The following GALNT8 variants were observed in gnomAD, a reference collection of about 807,000 sequenced individuals.
GALNT8 encodes the protein polypeptide N-acetylgalactosaminyltransferase 8.
A neutral mutation model predicts 62.7 loss-of-function variants in GALNT8; 66 were observed. The ratio of observed to expected loss-of-function variants is 1.05; its 90% CI spans 0.86 to 1.29. GALNT8 has a LOEUF of 1.29. Ranked by LOEUF, GALNT8 falls within the 50% of genes most tolerant of loss-of-function variation. The pLI is 0.00. For missense variants in GALNT8, 771 were observed against 791.8 expected, an observed-to-expected ratio of 0.97 and a Z score of 0.32; for synonymous variants, 288 against 294.3, an observed-to-expected ratio of 0.98 and a Z score of 0.22.
chr12:4,726,951 C>A lies in GALNT8; in HGVS notation c.509+122C>A. ...TGTTGGGGAAGGGGTTCAGGCTGAG[C>A]AAAGTTGTTGTTTTCAATTTATTTT... On this transcript the variant is annotated intron_variant, in intron 2 of 10. Transcript: ENST00000252318. The surrounding 1 kb of genome is among the most constrained non-coding windows in gnomAD (Gnocchi z 4.1). 2 of 784,138 alleles carry A rather than the reference C, an allele frequency of 2.6e-6. No homozygotes were observed. Among genetic ancestry groups the A allele is most frequent in the South Asian group, 1.8e-5 (1 of 56,798 alleles). The allele number at this position is 784,138 out of a possible 1,614,324, so 48.6% of individuals were successfully genotyped here. A position where few individuals can be genotyped will look rare whatever the true frequency, so the allele number is the denominator to read the frequency against.
At chr12:4,738,372 T>C (rs916533966) in intron 2 of GALNT8, among the ~76,000 whole-genome samples, 2 of 152,226 alleles carry the variant, frequency 1.3e-5, no homozygotes, top group African/African-American at 4.8e-5. Flanking sequence ...AAGAGTTTCT[T>C]AGGTATGACA....
At chr12:4,728,910 C>A (rs1489398210) in intron 2 of GALNT8, among the ~76,000 whole-genome samples, 1 of 152,138 alleles carries the variant, frequency 6.6e-6, no homozygotes, top group Non-Finnish European at 1.5e-5. Context: ...AGGATTTTGA[C>A]AGGGATTTCA....
At chr12:4,724,249 C>A (rs1409615334) in intron 1 of GALNT8, among the ~76,000 whole-genome samples, 1 of 151,662 alleles carries the variant, frequency 6.6e-6, no homozygotes, top group Admixed American at 6.6e-5. Context: ...ATAATTATAT[C>A]CCTATTGAGG....
In GALNT8 at chr12:4,720,866, G is replaced by T. The variant is rs937159001; in HGVS notation, c.189G>T (p.Leu63Phe). The T allele has an allele frequency of 6.2e-7, 1 of 1,602,354 alleles. No homozygotes were observed. The highest frequency in any genetic ancestry group is 2.2e-5 in the East Asian group (1 of 44,828). The change falls in exon 1 of 11, where the codon TTG (leucine) becomes TTT (phenylalanine). Residue 63 changes from leucine (L) to phenylalanine (F), a missense_variant. Transcript: ENST00000252318. ...YGAVIKRLSHLEVELQDLKES... is the reference protein window; with the variant it reads ...YGAVIKRLSHFEVELQDLKES... ...CAGTGATAAAGAGACTCTCCCACTT[G>T]GAGGTGGAATTGCAGGATCTGAGTA...
intron 2 of GALNT8, among the ~76,000 whole-genome samples, chr12:4,734,375 C>G (rs1946235094): frequency 6.6e-6 from 1 of 152,168 alleles, no homozygotes; most frequent in Non-Finnish European, 1.5e-5. Flanking sequence ...AGACCCCGCT[C>G]AGACCTACTG....
intron 3 of GALNT8, among the ~76,000 whole-genome samples, chr12:4,741,070 T>A (rs1946270013): frequency 6.6e-6 from 1 of 152,240 alleles, no homozygotes; most frequent in Non-Finnish European, 1.5e-5. Context: ...AGGAAGAATT[T>A]CTTGACTATA....
rs566879278 is a variant in GALNT8, at chr12:4,754,201, T to C, written c.1174-6757T>C. Among the ~76,000 whole-genome samples, 4 of 152,194 alleles carry C rather than the reference T, an allele frequency of 2.6e-5. 1 individual carries two copies. The South Asian group carries it at 8.3e-4, about 32-fold the overall frequency. ...GTAACCACTCACTGTGTACTTCCTA[T>C]GTTCCCTTGAGACCCTGGTGCTCTA... On this transcript the variant is annotated intron_variant, in intron 6 of 10. Transcript: ENST00000252318.
intron 2 of GALNT8, among the ~76,000 whole-genome samples, chr12:4,729,927 G>A (rs780466130): frequency 5.9e-5 from 9 of 152,116 alleles, no homozygotes; most frequent in Non-Finnish European, 1.0e-4. Flanking sequence ...TCTAACAAGG[G>A]TGAGATGATA....
intron 2 of GALNT8, among the ~76,000 whole-genome samples, chr12:4,727,562 C>T (rs1343601011): frequency 2.0e-5 from 3 of 152,154 alleles, no homozygotes; most frequent in East Asian, 1.9e-4. Flanking sequence ...ACTTTTTATC[C>T]CTATGGATTT....
chr12:4,739,790 G>A (rs1260658272), intron 3 of GALNT8, among the ~76,000 whole-genome samples: 2 of 151,726 alleles, frequency 1.3e-5, no homozygotes, highest in South Asian at 2.1e-4. Flanking sequence ...TCAGCCTCCC[G>A]AGTAGCTGGG....
intron 6 of GALNT8, among the ~76,000 whole-genome samples, chr12:4,750,686 C>A (rs1057258638): frequency 6.6e-6 from 1 of 152,008 alleles, no homozygotes; most frequent in Non-Finnish European, 1.5e-5. Flanking sequence ...TGGGTATATA[C>A]CCAGTAAAGG....
Position 4,720,751 on chromosome 12 carries a change from TG to T in GALNT8, c.76del (p.Val26TyrfsTer24), listed in dbSNP as rs774364592. On this transcript the variant is annotated frameshift_variant, in exon 1 of 11. Transcript: ENST00000252318. LOFTEE classifies it high-confidence loss of function. ...CTGGCCATTGCTGTCAATCTCCTTC[TG>T]GTATTTTCTAGCAAGGGGACTTTAC... ...LTLAIAVNLLLVFSSKGTLQN... is the reference protein window; with the variant it reads ...LTLAIAVNLLXVFSSKGTLQN... The T allele has an allele frequency of 8.1e-6, 13 of 1,613,428 alleles. No homozygotes were observed. Among genetic ancestry groups the T allele is most frequent in the Non-Finnish European group, 1.0e-5 (12 of 1,179,432 alleles).
chr12:4,742,954 A>G (rs531964745), intron 3 of GALNT8, among the ~76,000 whole-genome samples: 15 of 152,300 alleles, frequency 9.8e-5, no homozygotes, highest in Admixed American at 4.6e-4. Flanking sequence ...CTCAGAATCT[A>G]TGGCTCATAA....
rs1946288719 is a variant in GALNT8, at chr12:4,744,682, T to C, written c.842T>C (p.Ile281Thr). 1.2e-6 allele frequency: 2 copies of C among 1,611,434 alleles called. No individual in the cohort carries two copies. Among genetic ancestry groups the C allele is most frequent in the Non-Finnish European group, 8.5e-7 (1 of 1,178,906 alleles). Residue 281 changes from isoleucine to threonine, a missense_variant, in exon 4 of 11, where the codon ATT becomes ACT. Ile to Thr is a moderately conservative substitution (Grantham distance 89). Transcript: ENST00000252318. ...ADVVAILDAH[I>T]EVNVGWAEPI... ...GTGGTCGCCATCTTGGATGCTCACA[T>C]TGAAGTCAATGTTGGGTGGTAAGGC... is the stretch of plus-strand genomic sequence containing the variant.
At chr12:4,746,750 C>T (rs1946301821) in intron 6 of GALNT8, among the ~76,000 whole-genome samples, 1 of 152,098 alleles carries the variant, frequency 6.6e-6, no homozygotes, top group African/African-American at 2.4e-5. Context: ...AGGTTTTTAT[C>T]ATTATATAAC....
intron 3 of GALNT8, among the ~76,000 whole-genome samples, chr12:4,740,398 T>C (rs904429318): frequency 6.6e-6 from 1 of 152,198 alleles, no homozygotes; most frequent in Non-Finnish European, 1.5e-5. Context: ...TAACATTGCT[T>C]GTTCTAAGCA....
Position 4,769,361 on chromosome 12 carries a change from A to T in GALNT8, c.1762-3084A>T, listed in dbSNP as rs544753929. On this transcript the variant is annotated intron_variant, in intron 10 of 10. Transcript: ENST00000252318. ...AAACCAGACACTCCTCAGAACCCAA[A>T]CTAACTACAACCCTTTTTAAGGCAC... Among the ~76,000 whole-genome samples the T allele has an allele frequency of 3.7e-4, 57 of 152,340 alleles. No homozygotes were observed. In the South Asian group the frequency reaches 0.011, roughly 29 times the overall value.
In GALNT8 at chr12:4,760,378, C is replaced by T. The variant is rs111615526; in HGVS notation, c.1174-580C>T. Among the ~76,000 whole-genome samples the T allele has an allele frequency of 2.3e-3, 353 of 152,316 alleles. 4 individuals are homozygous for T. The highest frequency in any genetic ancestry group is 8.1e-3 in the African/African-American group (337 of 41,568). On this transcript the variant is annotated intron_variant, in intron 6 of 10. Coordinates refer to ENST00000252318, the MANE Select transcript of GALNT8 (RefSeq NM_017417.2). Reference sequence around the variant, plus strand: ...TCAAAGCCAACAAAAGAGAGCATCTCTTGGCAAAATGGACCCTCCAATCTT... The same window carrying T: ...TCAAAGCCAACAAAAGAGAGCATCTTTTGGCAAAATGGACCCTCCAATCTT...
At position 4,726,589 on chromosome 12, in the gene GALNT8, G is replaced by A. The variant is rs765991960; in HGVS notation, c.269G>A (p.Arg90Lys). 1.2e-6 allele frequency: 2 copies of A among 1,613,634 alleles called. No homozygotes were observed. The highest frequency in any genetic ancestry group is 1.7e-5 in the Admixed American group (1 of 60,022). Residue 90 changes from arginine to lysine, a missense_variant, in exon 2 of 11, where the codon AGG (arginine) becomes AAG (lysine). Arg to Lys is a conservative substitution (Grantham distance 26, BLOSUM62 2). Coordinates refer to ENST00000252318, the MANE Select transcript of GALNT8 (RefSeq NM_017417.2). This position sits in a 1 kb window ranked among gnomAD's most constrained non-coding sequence, Gnocchi z 4.1. ...GAAAATGTGAACAGCACACTGAAGA[G>A]GGCGAAAGATGAAGTACGCCCTCTT... Reference protein sequence around the residue: ...QQENVNSTLKRAKDEVRPLLK... With the variant: ...QQENVNSTLKKAKDEVRPLLK...
Sources: allele counts gnomAD v4.1 joint callset (sites outside exome capture counted in the v4.1 genomes callset), GRCh38; gene constraint gnomAD v4.1.1; non-coding constraint Gnocchi (gnomAD v3.1); transcripts MANE v1.5; gene names NCBI Gene and HGNC (gene_info 2026-07-23, HGNC 2026-07-21).